The following WDR27 variants were observed in gnomAD, a reference collection of about 807,000 sequenced individuals.
WDR27 encodes the protein WD repeat-containing protein 27.
In WDR27, 100 loss-of-function variants were observed where a neutral mutation model predicts 114.4. That is an observed-to-expected ratio of 0.87 (90% CI 0.74 to 1.03). WDR27 has a LOEUF of 1.03. WDR27 is among the 50% of genes least tolerant of loss of function. WDR27 has a pLI of 0.00. For missense variants in WDR27, 1,129 were observed against 1,092.9 expected, an observed-to-expected ratio of 1.03 and a Z score of -0.47; for synonymous variants, 449 against 423.1, an observed-to-expected ratio of 1.06 and a Z score of -0.75.
chr6:169,515,597 T>G (rs1793539298), intron 25 of WDR27, among the ~76,000 whole-genome samples: 1 of 152,232 alleles, frequency 6.6e-6, no homozygotes, highest in African/African-American at 2.4e-5. Context: ...ATAAAAGTGT[T>G]CAGTAAAATC....
At chr6:169,537,428 G>C (rs1004986802) in intron 25 of WDR27, among the ~76,000 whole-genome samples, 4 of 152,184 alleles carry the variant, frequency 2.6e-5, no homozygotes, top group African/African-American at 9.7e-5. Flanking sequence ...TGAAAGACAA[G>C]AAGTCATTCA....
chr6:169,439,472 G>A, the WDR27 span, among the ~76,000 whole-genome samples: 1 of 152,002 alleles, frequency 6.6e-6, no homozygotes, highest in Non-Finnish European at 1.5e-5. Context: ...GTACTCCTCA[G>A]TACAGATGTC....
In WDR27 at chr6:169,677,852, G is replaced by A. The variant is rs144006001; in HGVS notation, c.190-5456C>T. On this transcript the variant is annotated intron_variant, in intron 2 of 25. Transcript: ENST00000448612. ...ATACAGCTTGGGCTGCTGTTTCAGA[G>A]GGTGCAAGCCACAGGCCTTGGTGGT... Among the ~76,000 whole-genome samples the A allele has an allele frequency of 3.9e-5, 6 of 152,386 alleles. No individual in the cohort carries two copies. In the East Asian group the frequency reaches 1.2e-3, roughly 29 times the overall value.
chr6:169,666,949 A>T (rs536198125), intron 6 of WDR27, 187 bp downstream of exon 6: 1 of 985,324 alleles, frequency 1.0e-6, no homozygotes, highest in African/African-American at 1.7e-5. Flanking sequence ...AGTGAAAAAC[A>T]TCAAGGACAT....
intron 25 of WDR27, among the ~76,000 whole-genome samples, chr6:169,470,408 A>G (rs555998074): frequency 3.9e-5 from 6 of 152,334 alleles, no homozygotes; most frequent in Non-Finnish European, 8.8e-5. Context: ...AGTATTTGTT[A>G]CAGCAGCAGC....
chr6:169,501,448 C>G (rs1009792741), intron 25 of WDR27, among the ~76,000 whole-genome samples: 7 of 152,200 alleles, frequency 4.6e-5, no homozygotes, highest in Non-Finnish European at 8.8e-5. Context: ...GAGAACTAGG[C>G]TCCTTCTATG....
the WDR27 span, among the ~76,000 whole-genome samples, chr6:169,438,242 T>C: frequency 2.1e-5 from 3 of 145,678 alleles, no homozygotes; most frequent in Non-Finnish European, 4.5e-5. Flanking sequence ...TTTTCTTTTT[T>C]TTTTTTTTTT....
the WDR27 span, among the ~76,000 whole-genome samples, chr6:169,442,221 G>A: frequency 6.6e-6 from 1 of 152,130 alleles, no homozygotes; most frequent in Non-Finnish European, 1.5e-5. Flanking sequence ...CTTCTTAATG[G>A]TGTTAATCAC....
At chr6:169,682,175 A>T (rs1253214647) in intron 2 of WDR27, among the ~76,000 whole-genome samples, 1 of 152,082 alleles carries the variant, frequency 6.6e-6, no homozygotes, top group Non-Finnish European at 1.5e-5. Flanking sequence ...CCTGGGAGAC[A>T]AATGACTCTC....
intron 23 of WDR27, among the ~76,000 whole-genome samples, chr6:169,585,239 TA>T (rs1390323567): frequency 6.6e-6 from 1 of 152,128 alleles, no homozygotes; most frequent in Non-Finnish European, 1.5e-5. Context: ...ACCTTGGCAA[TA>T]ATATTTTGAA....
rs1160251130 is a variant in WDR27, at chr6:169,668,153, A to T, written c.489T>A (p.Pro163=). Residue 163 remains proline (P), a synonymous_variant, in exon 5 of 26, where the codon CCT becomes CCA. Coordinates refer to ENST00000448612, the MANE Select transcript of WDR27 (RefSeq NM_182552.5). ...GGACTTTGTGGCGGTTATTAACATC[A>T]GGACGTTCTATGTATGTCACAGAAA... ...QRFSVTYIER[P]DVNNRHKVPP... 1 of 1,614,016 alleles carries T rather than the reference A, an allele frequency of 6.2e-7. No individual in the cohort carries two copies. Among genetic ancestry groups the T allele is most frequent in the Non-Finnish European group, 8.5e-7 (1 of 1,179,884 alleles).
intron 25 of WDR27, among the ~76,000 whole-genome samples, chr6:169,491,168 G>A (rs985740201): frequency 6.6e-6 from 1 of 152,168 alleles, no homozygotes; most frequent in African/African-American, 2.4e-5. Context: ...GAAAATGAAT[G>A]AGATCAGCTC....
intron 17 of WDR27, among the ~76,000 whole-genome samples, chr6:169,642,909 T>C (rs1475935808): frequency 6.6e-6 from 1 of 152,198 alleles, no homozygotes; most frequent in Non-Finnish European, 1.5e-5. Context: ...GGAGTTCCCA[T>C]TTTTTCAGAT....
chr6:169,651,818 C>T, intron 14 of WDR27, 112 bp downstream of exon 14: 1 of 906,012 alleles, frequency 1.1e-6, no homozygotes, highest in South Asian at 1.6e-5. Context: ...ATTGCTATGT[C>T]CTCTCTCCAT....
At chr6:169,531,403 C>T (rs1366448872) in intron 25 of WDR27, among the ~76,000 whole-genome samples, 1 of 152,284 alleles carries the variant, frequency 6.6e-6, no homozygotes, top group East Asian at 1.9e-4. Flanking sequence ...AACACTGCTT[C>T]CAATCCATCT....
At chr6:169,519,519 G>A (rs1269891571) in intron 25 of WDR27, among the ~76,000 whole-genome samples, 2 of 151,874 alleles carry the variant, frequency 1.3e-5, no homozygotes, top group African/African-American at 2.4e-5. Context: ...AAGAGAGAAT[G>A]GGGGGTGGGA....
Position 169,629,127 on chromosome 6 carries a change from AT to A in WDR27, c.2223+3819del, listed in dbSNP as rs149383612. ...AAATCACACCAAATAGCATCATATC[AT>A]TTTCCAAAATAATTCTCTTGAAAAT... is the stretch of plus-strand genomic sequence containing the variant. On this transcript the variant is annotated intron_variant, in intron 21 of 25. Coordinates refer to ENST00000448612, the MANE Select transcript of WDR27 (RefSeq NM_182552.5). Among the ~76,000 whole-genome samples the A allele has an allele frequency of 5.2e-3, 788 of 152,304 alleles. 9 individuals carry two copies. Among genetic ancestry groups the A allele is most frequent in the African/African-American group, 0.018 (757 of 41,562 alleles).
At chr6:169,444,848 G>C in the WDR27 span, among the ~76,000 whole-genome samples, 1 of 152,130 alleles carries the variant, frequency 6.6e-6, no homozygotes, top group Non-Finnish European at 1.5e-5. Context: ...ATGTCAAGTA[G>C]CCCAATCCTG....
intron 1 of WDR27, among the ~76,000 whole-genome samples, chr6:169,700,785 TACAAA>T (rs1787739896): frequency 6.6e-6 from 1 of 152,186 alleles, no homozygotes; most frequent in Admixed American, 6.5e-5. Context: ...AGCAATACAA[TACAAA>T]ACATTTAAAC....
Sources: gnomAD v4.1 joint callset for allele counts (sites outside exome capture counted in the v4.1 genomes callset) on GRCh38, gnomAD v4.1.1 for gene constraint, MANE v1.5 for transcripts, NCBI Gene and HGNC (gene_info 2026-07-23, HGNC 2026-07-21) for gene names.